SIGLEC10: variants seen among roughly 807,000 people sequenced by gnomAD.
SIGLEC10 encodes the protein sialic acid-binding Ig-like lectin 10.
Under a neutral mutation model 68.3 loss-of-function variants are expected in SIGLEC10, and 45 were observed. The observed-to-expected ratio is 0.66, with a 90% CI of 0.52 to 0.84. The LOEUF is 0.84. Among genes scored for constraint, SIGLEC10 ranks in the 40% least tolerant of loss-of-function variants. The probability of loss-of-function intolerance (pLI) is 0.00; values close to 1 mark genes in which losing one functional copy is unlikely to be tolerated. For missense variants in SIGLEC10, 789 were observed against 883.1 expected (o/e 0.89, Z 1.35); for synonymous variants, 379 against 370.8 (o/e 1.02, Z -0.26).
rs61741672 is a variant in SIGLEC10, at chr19:51,415,106, A to G, written c.1333T>C (p.Ser445Pro). The G allele has an allele frequency of 0.17, 265,486 of 1,571,938 alleles. 24,538 individuals carry two copies. The highest frequency in any genetic ancestry group is 0.36 in the African/African-American group (26,428 of 73,456). ...HVSLSLSVHYSPKLLGPSCSW... is the reference protein window; with the variant it reads ...HVSLSLSVHYPPKLLGPSCSW... ...CAGGAGGGGCCCAGCAGCTTCGGGG[A>G]GTCTGAGGGGAGGGAGGACAGGACT... The change falls in exon 8 of 11, where the codon TCC (serine) becomes CCC (proline). Residue 445 changes from serine to proline, a missense_variant and splice_region_variant. Physicochemically the swap from Ser to Pro is moderately conservative, Grantham distance 74. Transcript: ENST00000339313.
chr19:51,411,123 A>G lies in SIGLEC10; in HGVS notation c.2070T>C (p.Asp690=). ...CTCATTGGAACTTGACTTCTGCATA[A>G]TCCGCCTGGGTGCCCTTGGGCATCC... ...EARMPKGTQA[D]YAEVKFQ The change falls in exon 11 of 11, where the codon GAT becomes GAC. Residue 690 remains aspartate, a synonymous_variant. Transcript: ENST00000339313. 1 of 1,613,996 alleles carries G rather than the reference A, an allele frequency of 6.2e-7. No homozygotes were observed. Among genetic ancestry groups the G allele is most frequent in the East Asian group, 2.2e-5 (1 of 44,882 alleles).
chr19:51,412,841 C>T (rs1025603759), intron 10 of SIGLEC10, among the ~76,000 whole-genome samples: 1 of 151,782 alleles, frequency 6.6e-6, no homozygotes, highest in Admixed American at 6.6e-5. Context: ...CATCATGGCT[C>T]ACTGTAGCCT....
chr19:51,413,639 G>A, intron 10 of SIGLEC10, 73 bp downstream of exon 10: 1 of 1,306,312 alleles, frequency 7.7e-7, no homozygotes, highest in Non-Finnish European at 1.1e-6. Flanking sequence ...CTAAGACAAG[G>A]GGTGCAAAAG....
chr19:51,416,965 G>A lies in SIGLEC10; in HGVS notation c.422-15C>T, dbSNP rs771823839. The A allele has an allele frequency of 1.1e-5, 17 of 1,603,484 alleles. No individual in the cohort carries two copies. Among genetic ancestry groups the A allele is most frequent in the South Asian group, 6.7e-5 (6 of 89,580 alleles). ...CTGAGTCAGGGCTGGGACAGAGACCGTGGTGGGAGATTCTTGTGCTGCAGG... is the reference window on the plus strand; with the variant it reads ...CTGAGTCAGGGCTGGGACAGAGACCATGGTGGGAGATTCTTGTGCTGCAGG... On this transcript the variant is annotated splice_polypyrimidine_tract_variant and intron_variant, in intron 2 of 10. Coordinates refer to ENST00000339313, the MANE Select transcript of SIGLEC10 (RefSeq NM_033130.5).
At chr19:51,415,727 C>A in intron 5 of SIGLEC10, 112 bp from the exon 6 acceptor site, 6 of 1,584,768 alleles carry the variant, frequency 3.8e-6, no homozygotes, top group Non-Finnish European at 5.2e-6. Context: ...AAGGGCAGGG[C>A]AGAATCACCC....
At position 51,416,966 on chromosome 19, in the gene SIGLEC10, T is replaced by G. The variant is rs989288277; in HGVS notation, c.422-16A>C. On this transcript the variant is annotated splice_polypyrimidine_tract_variant and intron_variant, in intron 2 of 10. Transcript: ENST00000339313. ...TGAGTCAGGGCTGGGACAGAGACCG[T>G]GGTGGGAGATTCTTGTGCTGCAGGG... 17 of 1,592,784 alleles carry G rather than the reference T, an allele frequency of 1.1e-5. No homozygotes were observed. Among genetic ancestry groups the G allele is most frequent in the African/African-American group, 8.5e-5 (6 of 70,716 alleles).
intron 10 of SIGLEC10, among the ~76,000 whole-genome samples, chr19:51,412,768 G>T (rs765834954): frequency 6.6e-6 from 1 of 150,530 alleles, no homozygotes; most frequent in Non-Finnish European, 1.5e-5. Context: ...GAGCCAGCAG[G>T]CGTGGCCTTT....
intron 3 of SIGLEC10, 125 bp from the exon 4 acceptor site, chr19:51,416,482 TCAC>T: frequency 6.2e-7 from 1 of 1,600,052 alleles, no homozygotes; most frequent in Non-Finnish European, 8.5e-7. Context: ...GCGCCAGGGC[TCAC>T]GTGTGTGGAC....
intron 10 of SIGLEC10, among the ~76,000 whole-genome samples, chr19:51,411,900 T>C (rs1183398613): frequency 1.3e-5 from 2 of 151,588 alleles, no homozygotes; most frequent in Non-Finnish European, 2.9e-5. Context: ...CCCAGCACTT[T>C]GGGAGGCTGA....
chr19:51,414,606 A>G lies in SIGLEC10; in HGVS notation c.1616-91T>C, dbSNP rs1988382863. The G allele has an allele frequency of 7.0e-7, 1 of 1,421,356 alleles. No homozygotes were observed. The highest frequency in any genetic ancestry group is 9.8e-7 in the Non-Finnish European group (1 of 1,016,972). The allele number at this position is 1,421,356 out of a possible 1,614,324, so 88.0% of individuals were successfully genotyped here. ...CTCGGCATTAAGGCTTCCGGTTCCC[A>G]TGGCGGACATTGTATCTGCAACCCC... On this transcript the variant is annotated intron_variant, in intron 8 of 10. Coordinates refer to ENST00000339313, the MANE Select transcript of SIGLEC10 (RefSeq NM_033130.5). The surrounding 1 kb of genome is among the most constrained non-coding windows in gnomAD (Gnocchi z 4.1).
Position 51,417,014 on chromosome 19 carries a change from C to A in SIGLEC10, c.422-64G>T. Reference sequence around the variant, plus strand: ...GGGGTCCCTGAGAGCCCTCTCTGCTCAGCCCATAGGCTGTCCCCAGGGTCC... The same window carrying A: ...GGGGTCCCTGAGAGCCCTCTCTGCTAAGCCCATAGGCTGTCCCCAGGGTCC... On this transcript the variant is annotated intron_variant, in intron 2 of 10. Transcript: ENST00000339313. 3 of 1,594,962 alleles carry A rather than the reference C, an allele frequency of 1.9e-6. No individual in the cohort carries two copies. The South Asian group carries it at 3.4e-5, about 18-fold the overall frequency.
At position 51,411,187 on chromosome 19, in the gene SIGLEC10, G is replaced by A. The variant is rs778351914; in HGVS notation, c.2006C>T (p.Thr669Met). 66 of 1,614,080 alleles carry A rather than the reference G, an allele frequency of 4.1e-5. No homozygotes were observed. Among genetic ancestry groups the A allele is most frequent in the Admixed American group, 2.0e-4 (12 of 59,998 alleles). The part of the protein sequence containing the change: ...QESQEELHYA[T>M]LNFPGVRPRP... ...GGGTCTGACGCCTGGGAAGTTGAGC[G>A]TGGCATAATGGAGCTCCTCTTGGCT... Residue 669 changes from threonine to methionine, a missense_variant, in exon 11 of 11, where the codon ACG becomes ATG. Transcript: ENST00000339313.
In SIGLEC10 at chr19:51,413,714, GGGGGCCAGCCGTC is replaced by G; in HGVS notation, c.1806_1818del (p.Thr603TrpfsTer112). On this transcript the variant is annotated frameshift_variant, in exon 10 of 11. Coordinates refer to ENST00000339313, the MANE Select transcript of SIGLEC10 (RefSeq NM_033130.5). LOFTEE classifies it low-confidence loss of function (END_TRUNC). Reference sequence around the variant, plus strand: ...GGAAGCATGGCCCAGACACTCACCAGGGGGCCAGCCGTCGGGACCACATTGATGTAATCCAGGA... The same window carrying G: ...GGAAGCATGGCCCAGACACTCACCAGGGGACCACATTGATGTAATCCAGGA... The G allele has an allele frequency of 1.2e-6, 2 of 1,613,348 alleles. No individual in the cohort carries two copies. The highest frequency in any genetic ancestry group is 1.7e-6 in the Non-Finnish European group (2 of 1,179,394).
At position 51,414,333 on chromosome 19, in the gene SIGLEC10, T is replaced by A; in HGVS notation, c.1709+89A>T. On this transcript the variant is annotated intron_variant, in intron 9 of 10. Coordinates refer to ENST00000339313, the MANE Select transcript of SIGLEC10 (RefSeq NM_033130.5). This position sits in a 1 kb window ranked among gnomAD's most constrained non-coding sequence, Gnocchi z 4.1. ...TGTAACCTCCAGAGGTATACTGCGT[T>A]GATCACGACCTTCACTCTTTCGGCC... 1 of 1,085,762 alleles carries A rather than the reference T, an allele frequency of 9.2e-7. No homozygotes were observed. Among genetic ancestry groups the A allele is most frequent in the South Asian group, 1.3e-5 (1 of 75,934 alleles). 67.3% of individuals were successfully genotyped at this position (1,085,762 alleles called of 1,614,324 possible).
chr19:51,415,688 C>G (rs887221803), intron 5 of SIGLEC10, 73 bp from the exon 6 acceptor site: 57 of 1,609,600 alleles, frequency 3.5e-5, no homozygotes, highest in Middle Eastern at 1.7e-4. Flanking sequence ...CCATCCTGGA[C>G]ACTGAGGTGG....
chr19:51,413,947 G>T, intron 9 of SIGLEC10, 124 bp from the exon 10 acceptor site: 2 of 715,488 alleles, frequency 2.8e-6, no homozygotes, highest in East Asian at 5.2e-5. Context: ...GTCATTATGA[G>T]ACTGAAAGAA....
rs2123710305 is a variant in SIGLEC10 at position 51,411,062 on chromosome 19, C to T, written c.*37G>A. 1 of 1,592,598 alleles carries T rather than the reference C, an allele frequency of 6.3e-7. No homozygotes were observed. Among genetic ancestry groups the T allele is most frequent in the Non-Finnish European group, 8.6e-7 (1 of 1,168,066 alleles). On this transcript the variant is annotated 3_prime_UTR_variant, in exon 11 of 11. Coordinates refer to ENST00000339313, the MANE Select transcript of SIGLEC10 (RefSeq NM_033130.5). ...TTCAACCTCTTACTCTACCTTCCTC[C>T]CTAGCCGAAGTCCCAGTCCTAAAGC...
intron 4 of SIGLEC10, 66 bp from the exon 5 acceptor site, chr19:51,416,233 G>T (rs369525312): frequency 1.2e-6 from 2 of 1,611,984 alleles, no homozygotes; most frequent in Non-Finnish European, 1.7e-6. Flanking sequence ...GTACAGGGAG[G>T]AGCACATCCC....
Position 51,413,725 on chromosome 19 carries a change from G to C in SIGLEC10, c.1808C>G (p.Thr603Arg), listed in dbSNP as rs61741686. 6.2e-7 allele frequency: 1 copy of C among 1,614,028 alleles called. No homozygotes were observed. Among genetic ancestry groups the C allele is most frequent in the South Asian group, 1.1e-5 (1 of 91,082 alleles). ...CCAGACACTCACCAGGGGGCCAGCC[G>C]TCGGGACCACATTGATGTAATCCAG... ...TILDYINVVP[T>R]AGPLAQKRNQ... The change falls in exon 10 of 11, where the codon ACG becomes AGG. Residue 603 changes from threonine (T) to arginine (R), a missense_variant. Thr to Arg is a moderately conservative substitution (Grantham distance 71). Transcript: ENST00000339313.
Sources: allele counts gnomAD v4.1 joint callset (sites outside exome capture counted in the v4.1 genomes callset), GRCh38; gene constraint gnomAD v4.1.1; non-coding constraint Gnocchi (gnomAD v3.1); transcripts MANE v1.5; gene names NCBI Gene and HGNC (gene_info 2026-07-23, HGNC 2026-07-21).